AKAP6: variants seen among roughly 807,000 people sequenced by gnomAD.
The protein encoded by AKAP6 is A-kinase anchoring protein 6.
In AKAP6, 58 loss-of-function variants were observed where a neutral mutation model predicts 188.5. That is an observed-to-expected ratio of 0.31 (90% CI 0.25 to 0.38). AKAP6 has a LOEUF of 0.38. Among genes scored for constraint, AKAP6 ranks in the 10% least tolerant of loss-of-function variants. The pLI is 1.00. For synonymous variants in AKAP6, 989 were observed against 998.6 expected, an observed-to-expected ratio of 0.99 and a Z score of 0.18; for missense variants, 2,710 against 2,740.0, an observed-to-expected ratio of 0.99 and a Z score of 0.24.
intron 1 of AKAP6, among the ~76,000 whole-genome samples, chr14:32,370,362 A>T (rs1887968399): frequency 6.6e-6 from 1 of 152,214 alleles, no homozygotes; most frequent in Admixed American, 6.5e-5. Flanking sequence ...AGTGCTATCG[A>T]ATTGATGGTG....
At chr14:32,394,633 CAT>C (rs1344930815) in intron 1 of AKAP6, among the ~76,000 whole-genome samples, 1 of 152,182 alleles carries the variant, frequency 6.6e-6, no homozygotes, top group Non-Finnish European at 1.5e-5. Flanking sequence ...TGTACACACA[CAT>C]GTATAGACAC....
At chr14:32,514,868 G>C (rs1247379250) in intron 2 of AKAP6, among the ~76,000 whole-genome samples, 2 of 152,100 alleles carry the variant, frequency 1.3e-5, no homozygotes, top group Non-Finnish European at 2.9e-5. Context: ...ACAACAAAAA[G>C]GGCCTCTCAG....
At chr14:32,809,891 A>G (rs1403646301) in intron 12 of AKAP6, among the ~76,000 whole-genome samples, 1 of 152,224 alleles carries the variant, frequency 6.6e-6, no homozygotes, top group African/African-American at 2.4e-5. Context: ...TTGATTTGGT[A>G]AAAGGTGGAG....
At chr14:32,418,693 C>G (rs1243779037) in intron 1 of AKAP6, among the ~76,000 whole-genome samples, 1 of 152,158 alleles carries the variant, frequency 6.6e-6, no homozygotes. Context: ...GAAGGACCTA[C>G]TGGATTCTTT....
At chr14:32,784,385 ATCT>A (rs2033341204) in intron 12 of AKAP6, among the ~76,000 whole-genome samples, 1 of 152,198 alleles carries the variant, frequency 6.6e-6, no homozygotes, top group Non-Finnish European at 1.5e-5. Context: ...CTCAAATGCC[ATCT>A]TAACAAACCT....
chr14:32,428,315 A>G (rs1404428566), intron 1 of AKAP6, among the ~76,000 whole-genome samples: 1 of 152,104 alleles, frequency 6.6e-6, no homozygotes, highest in Admixed American at 6.6e-5. Context: ...AGGTCTGCCT[A>G]TGACTGCACA....
chr14:32,404,691 G>GATAGATATATATATATATATAT lies in AKAP6; in HGVS notation c.-34-28766_-34-28765insGATATATATATATATATATATA. On this transcript the variant is annotated intron_variant, in intron 1 of 13. Transcript: ENST00000280979. ...AGAGTGGGGTTATGAGGAGTCAGGA[G>GATAGATATATATATATATATAT]ATATATATATATATATATATTAGTC... 7.6e-3 allele frequency among the ~76,000 whole-genome samples: 336 copies of GATAGATATATATATATATATAT among 44,410 alleles called. 50 individuals carry two copies. The highest frequency in any genetic ancestry group is 0.063 in the Admixed American group (214 of 3,388). 29.1% of individuals were successfully genotyped at this position (44,410 alleles called of 152,430 possible).
chr14:32,609,648 A>G (rs1045256662), intron 7 of AKAP6, among the ~76,000 whole-genome samples: 2 of 152,168 alleles, frequency 1.3e-5, no homozygotes, highest in Non-Finnish European at 2.9e-5. Flanking sequence ...GGAGAGGGAA[A>G]AAAGGAAGCC....
At position 32,467,497 on chromosome 14, in the gene AKAP6, C is replaced by T. The variant is rs555803149; in HGVS notation, c.324+33680C>T. Among the ~76,000 whole-genome samples, 8 of 152,212 alleles carry T rather than the reference C, an allele frequency of 5.3e-5. No homozygotes were observed. The East Asian group carries it at 1.5e-3, about 29-fold the overall frequency. On this transcript the variant is annotated intron_variant, in intron 2 of 13. Coordinates refer to ENST00000280979, the MANE Select transcript of AKAP6 (RefSeq NM_004274.5). ...ACTACCATTTATATAAAGATTTTCA[C>T]AAACCTGTAGTGAAGCATTATTACT...
intron 4 of AKAP6, among the ~76,000 whole-genome samples, chr14:32,574,731 A>G (rs2139257064): frequency 6.6e-6 from 1 of 152,324 alleles, no homozygotes; most frequent in South Asian, 2.1e-4. Flanking sequence ...TTCTAAATAC[A>G]ATAGTAAAAA....
At chr14:32,616,211 A>G (rs1886573848) in intron 7 of AKAP6, among the ~76,000 whole-genome samples, 1 of 152,202 alleles carries the variant, frequency 6.6e-6, no homozygotes, top group Non-Finnish European at 1.5e-5. Flanking sequence ...TCAAAGAGAT[A>G]AAAATGGAAC....
intron 2 of AKAP6, among the ~76,000 whole-genome samples, chr14:32,463,587 C>T (rs543933107): frequency 6.6e-6 from 1 of 152,176 alleles, no homozygotes; most frequent in East Asian, 1.9e-4. Context: ...AATCTCTGGG[C>T]CACATCTAAA....
At chr14:32,800,938 G>C (rs1262419234) in intron 12 of AKAP6, among the ~76,000 whole-genome samples, 1 of 152,088 alleles carries the variant, frequency 6.6e-6, no homozygotes, top group Non-Finnish European at 1.5e-5. Flanking sequence ...GATCACTTGA[G>C]CCCAGGAGGT....
chr14:32,612,940 C>G (rs1006354354), intron 7 of AKAP6, among the ~76,000 whole-genome samples: 2 of 152,108 alleles, frequency 1.3e-5, no homozygotes, highest in African/African-American at 4.8e-5. Context: ...ATTCAAAGGG[C>G]AGAACTAGAT....
intron 4 of AKAP6, among the ~76,000 whole-genome samples, chr14:32,561,171 C>T (rs185397483): frequency 1.3e-5 from 2 of 152,200 alleles, no homozygotes; most frequent in African/African-American, 4.8e-5. Flanking sequence ...TTTGTCATGC[C>T]TTTGCTCAGA....
intron 12 of AKAP6, among the ~76,000 whole-genome samples, chr14:32,790,796 A>G (rs984731392): frequency 2.6e-5 from 4 of 151,874 alleles, no homozygotes; most frequent in Admixed American, 2.6e-4. Context: ...AGACCCCGAT[A>G]TGTGATGTTC....
At chr14:32,683,583 G>A (rs1247728567) in intron 8 of AKAP6, among the ~76,000 whole-genome samples, 1 of 152,190 alleles carries the variant, frequency 6.6e-6, no homozygotes, top group African/African-American at 2.4e-5. Context: ...GGCTGTGTTA[G>A]GCACTGGGGA....
chr14:32,550,534 A>G lies in AKAP6; in HGVS notation c.2346+3535A>G, dbSNP rs143976092. 9.7e-3 allele frequency among the ~76,000 whole-genome samples: 1,479 copies of G among 152,310 alleles called. 79 individuals carry two copies. The highest frequency in any genetic ancestry group is 0.086 in the Admixed American group (1,315 of 15,302). On this transcript the variant is annotated intron_variant, in intron 4 of 13. Transcript: ENST00000280979. ...ACGCTTGGCTACATATAATTTGTAT[A>G]TGACTTTATGATATGCAGCGCTCTC...
intron 1 of AKAP6, among the ~76,000 whole-genome samples, chr14:32,352,092 TGTGTGTGTGTTTG>T: frequency 2.0e-5 from 2 of 99,624 alleles, no homozygotes; most frequent in African/African-American, 5.1e-5. Context: ...TGTGTGTGTG[TGTGTGTGTGTTTG>T]TGTGTGTGTG....
Sources: gnomAD v4.1 joint callset for allele counts (sites outside exome capture counted in the v4.1 genomes callset) on GRCh38, gnomAD v4.1.1 for gene constraint, MANE v1.5 for transcripts, NCBI Gene and HGNC (gene_info 2026-07-23, HGNC 2026-07-21) for gene names.